The following ZNF780B variants were observed in gnomAD, a reference collection of about 807,000 sequenced individuals.
The protein encoded by ZNF780B is zinc finger protein 780B, also known as zinc finger protein 779.
Under a neutral mutation model 74.1 loss-of-function variants are expected in ZNF780B, and 52 were observed. The ratio of observed to expected loss-of-function variants is 0.70; its 90% confidence interval spans 0.56 to 0.88. ZNF780B has a LOEUF of 0.88. Ranked by LOEUF, ZNF780B falls within the 40% of genes least tolerant of loss-of-function variation. The pLI is 0.00. For missense variants in ZNF780B, 953 were observed against 1,007.6 expected, an observed-to-expected ratio of 0.95 and a Z score of 0.73; for synonymous variants, 315 against 324.3, an observed-to-expected ratio of 0.97 and a Z score of 0.31.
chr19:40,035,486 T>C lies in ZNF780B; in HGVS notation c.1373A>G (p.Tyr458Cys), dbSNP rs750610455. 7.4e-6 allele frequency: 12 copies of C among 1,614,028 alleles called. No homozygotes were observed. Among genetic ancestry groups the C allele is most frequent in the Admixed American group, 1.7e-5 (1 of 59,996 alleles). Residue 458 changes from tyrosine (Y) to cysteine (C), a missense_variant, in exon 5 of 5, where the codon TAC becomes TGC. Transcript: ENST00000434248. Reference sequence around the variant, plus strand: ...AATTTGGCAATGTTGAATAAGTTGGTAATGATATCGAAAGGCCATCTCACA... The same window carrying C: ...AATTTGGCAATGTTGAATAAGTTGGCAATGATATCGAAAGGCCATCTCACA... ...RECEMAFRYH[Y>C]QLIQHCQIHT...
intron 4 of ZNF780B, among the ~76,000 whole-genome samples, chr19:40,043,146 T>C (rs1406808309): frequency 2.0e-5 from 3 of 152,230 alleles, no homozygotes; most frequent in East Asian, 3.8e-4. Flanking sequence ...TGCAGGTCTG[T>C]TGGAGTTTGC....
At chr19:40,040,242 G>A (rs947168277) in intron 4 of ZNF780B, among the ~76,000 whole-genome samples, 87 of 152,296 alleles carry the variant, frequency 5.7e-4, no homozygotes, top group African/African-American at 2.0e-3. Flanking sequence ...AACCAGCCTT[G>A]CATCCCAGGG....
chr19:40,046,570 T>C (rs185698720), intron 4 of ZNF780B, among the ~76,000 whole-genome samples: 13 of 152,344 alleles, frequency 8.5e-5, no homozygotes, highest in Non-Finnish European at 1.9e-4. Context: ...GAACACTTAC[T>C]TCACATCTCT....
rs1432348596 is a variant in ZNF780B at position 40,032,341 on chromosome 19, T to G, written c.*2016A>C. 1 of 382,400 alleles carries G rather than the reference T, an allele frequency of 2.6e-6. No individual in the cohort carries two copies. The highest frequency in any genetic ancestry group is 2.1e-5 in the African/African-American group (1 of 47,350). The allele number at this position is 382,400 out of a possible 1,614,324, so 23.7% of individuals were successfully genotyped here. A position where few individuals can be genotyped will look rare whatever the true frequency, so the allele number is the denominator to read the frequency against. ...TACCCACCATAATTTGAGAGCATAC[T>G]TTCATGGGGTTTCCATGCTACAATA... On this transcript the variant is annotated 3_prime_UTR_variant, in exon 5 of 5. Coordinates refer to ENST00000434248, the MANE Select transcript of ZNF780B (RefSeq NM_001005851.3).
intron 1 of ZNF780B, 100 bp downstream of exon 1, chr19:40,056,089 G>T (rs1448907430): frequency 6.6e-6 from 1 of 152,298 alleles, no homozygotes; most frequent in Non-Finnish European, 1.5e-5. Flanking sequence ...TGAGCGCCTC[G>T]CTCTCGCCCA....
chr19:40,052,996 C>T (rs896081776), intron 1 of ZNF780B, among the ~76,000 whole-genome samples: 2 of 151,990 alleles, frequency 1.3e-5, no homozygotes, highest in African/African-American at 4.8e-5. Context: ...TAGAAAAAAA[C>T]GTACGGGGAA....
intron 2 of ZNF780B, among the ~76,000 whole-genome samples, chr19:40,049,267 G>A (rs234329): frequency 0.083 from 11,970 of 144,786 alleles, 1,590 homozygotes; most frequent in African/African-American, 0.27. Context: ...AAAGGTGGCA[G>A]CATACAATTG....
At chr19:40,048,644 A>G (rs752397485) in intron 3 of ZNF780B, 26 bp downstream of exon 3, 1 of 1,614,136 alleles carries the variant, frequency 6.2e-7, no homozygotes, top group Non-Finnish European at 8.5e-7. Context: ...AACAGATACA[A>G]AAATAACTGG....
At chr19:40,050,745 A>G (rs1973187629) in intron 1 of ZNF780B, among the ~76,000 whole-genome samples, 1 of 152,210 alleles carries the variant, frequency 6.6e-6, no homozygotes, top group Admixed American at 6.5e-5. Context: ...CTCCTCCCCT[A>G]GTCCACCTTT....
At chr19:40,052,030 C>T (rs1464071665) in intron 1 of ZNF780B, among the ~76,000 whole-genome samples, 1 of 152,122 alleles carries the variant, frequency 6.6e-6, no homozygotes. Flanking sequence ...TTATAGACAT[C>T]ATTTTATTAG....
intron 4 of ZNF780B, among the ~76,000 whole-genome samples, chr19:40,045,438 C>T (rs1329096700): frequency 6.6e-6 from 1 of 152,118 alleles, no homozygotes; most frequent in Non-Finnish European, 1.5e-5. Context: ...GAAAATAGAA[C>T]TACCATATGA....
At chr19:40,045,849 G>T (rs191627749) in intron 4 of ZNF780B, among the ~76,000 whole-genome samples, 3 of 152,104 alleles carry the variant, frequency 2.0e-5, no homozygotes, top group Non-Finnish European at 4.4e-5. Flanking sequence ...TTAGCCAGGC[G>T]TGGTGGCAGG....
rs367688121 is a variant in ZNF780B, at chr19:40,047,439, T to C, written c.168A>G (p.Thr56=). 7.5e-4 allele frequency: 1,206 copies of C among 1,613,848 alleles called. 12 individuals carry two copies. In the South Asian group the frequency reaches 8.9e-3, roughly 12 times the overall value. Residue 56 remains threonine (T), a synonymous_variant, in exon 4 of 5, where the codon ACA becomes ACG. Transcript: ENST00000434248. ...AGGGCTCTTTCTCTTGCTCTAGTAA[T>C]GTAATCACATCTGGCTTAGAAATGG... ...GSSISKPDVI[T]LLEQEKEPWI...
chr19:40,028,822 C>T lies in ZNF780B; in HGVS notation c.*5535G>A, dbSNP rs750318577. ...AGTAAATAATTCTGGTTACCCTTCA[C>T]CCAGATTTCTCAAATATTAATATAT... is the stretch of plus-strand genomic sequence containing the variant. On this transcript the variant is annotated 3_prime_UTR_variant, in exon 5 of 5. Coordinates refer to ENST00000434248, the MANE Select transcript of ZNF780B (RefSeq NM_001005851.3). 1 of 152,180 alleles carries T rather than the reference C, an allele frequency of 6.6e-6. No individual in the cohort carries two copies. The highest frequency in any genetic ancestry group is 1.5e-5 in the Non-Finnish European group (1 of 68,036). 9.4% of individuals were successfully genotyped at this position (152,180 alleles called of 1,614,324 possible).
chr19:40,044,447 G>A (rs541110778), intron 4 of ZNF780B, among the ~76,000 whole-genome samples: 2 of 152,288 alleles, frequency 1.3e-5, no homozygotes, highest in East Asian at 3.9e-4. Flanking sequence ...TCTCAACAGA[G>A]AGAAATGAGA....
In ZNF780B at chr19:40,047,273, G is replaced by T. The variant is rs945107191; in HGVS notation, c.232+102C>A. 8 of 1,035,836 alleles carry T rather than the reference G, an allele frequency of 7.7e-6. No homozygotes were observed. In the African/African-American group the frequency reaches 9.4e-5, roughly 12 times the overall value. The allele number at this position is 1,035,836 out of a possible 1,614,324, so 64.2% of individuals were successfully genotyped here. On this transcript the variant is annotated intron_variant, in intron 4 of 4. Transcript: ENST00000434248. ...CAGTGGGGGACCTTGGGTTATTGAAGAAAGTTTTCCAAACCACATCTCAGG... is the reference window on the plus strand; with the variant it reads ...CAGTGGGGGACCTTGGGTTATTGAATAAAGTTTTCCAAACCACATCTCAGG...
intron 1 of ZNF780B, among the ~76,000 whole-genome samples, chr19:40,055,247 C>T (rs180975824): frequency 2.8e-3 from 381 of 138,450 alleles, no homozygotes; most frequent in African/African-American, 8.6e-3. Flanking sequence ...TATTAAATGG[C>T]AAGGTGGGGA....
Position 40,034,344 on chromosome 19 carries a change from C to T in ZNF780B, c.*13G>A, listed in dbSNP as rs1568401063. Reference sequence around the variant, plus strand: ...TTGAAAGGCCTTCCCACATTCCTTACATTCAAAGGTTTTCACCCAAGTATG... The same window carrying T: ...TTGAAAGGCCTTCCCACATTCCTTATATTCAAAGGTTTTCACCCAAGTATG... On this transcript the variant is annotated 3_prime_UTR_variant, in exon 5 of 5. Transcript: ENST00000434248. 3.8e-6 allele frequency: 6 copies of T among 1,590,144 alleles called. No individual in the cohort carries two copies. The highest frequency in any genetic ancestry group is 1.1e-5 in the South Asian group (1 of 87,768).
chr19:40,036,641 G>T lies in ZNF780B; in HGVS notation c.233-15C>A, dbSNP rs779714095. The T allele has an allele frequency of 1.4e-6, 2 of 1,463,048 alleles. No individual in the cohort carries two copies. The highest frequency in any genetic ancestry group is 2.3e-5 in the East Asian group (1 of 42,746). The allele number at this position is 1,463,048 out of a possible 1,614,324, so 90.6% of individuals were successfully genotyped here. On this transcript the variant is annotated splice_polypyrimidine_tract_variant and intron_variant, in intron 4 of 4. Transcript: ENST00000434248. ...TGACTCCAAATCTGAAAGAAATGAAGAAGGCAAACCTATTTTATTTTCCTA... is the reference window on the plus strand; with the variant it reads ...TGACTCCAAATCTGAAAGAAATGAATAAGGCAAACCTATTTTATTTTCCTA...
Sources: gnomAD v4.1 joint callset for allele counts (sites outside exome capture counted in the v4.1 genomes callset) on GRCh38, gnomAD v4.1.1 for gene constraint, MANE v1.5 for transcripts, NCBI Gene and HGNC (gene_info 2026-07-23, HGNC 2026-07-21) for gene names.